Variants in TSGA10 observed in about 807,000 individuals in gnomAD.
The protein encoded by TSGA10 is testis-specific gene 10 protein.
A neutral mutation model predicts 96.6 loss-of-function variants in TSGA10; 43 were observed. The ratio of observed to expected loss-of-function variants is 0.44; its 90% CI spans 0.35 to 0.57. TSGA10 has a LOEUF of 0.57. TSGA10 is among the 20% of genes least tolerant of loss of function. The pLI, the probability that TSGA10 is intolerant of heterozygous loss-of-function variation, is 0.01. For missense variants in TSGA10, 703 were observed against 834.4 expected (o/e 0.84, Z 1.94); for synonymous variants, 229 against 269.9 (o/e 0.85, Z 1.48).
chr2:99,058,954 T>C (rs551983907), intron 16 of TSGA10, among the ~76,000 whole-genome samples: 2 of 150,908 alleles, frequency 1.3e-5, no homozygotes, highest in African/African-American at 4.9e-5. Context: ...GGAGAATTGC[T>C]TGACCCAGGA....
intron 17 of TSGA10, among the ~76,000 whole-genome samples, chr2:99,021,412 C>A (rs2079992018): frequency 6.6e-6 from 1 of 151,946 alleles, no homozygotes; most frequent in Admixed American, 6.6e-5. Context: ...TCTCTACTAA[C>A]ATAAAGAACG....
At chr2:99,045,456 A>G (rs1174488141) in intron 16 of TSGA10, among the ~76,000 whole-genome samples, 3 of 152,246 alleles carry the variant, frequency 2.0e-5, no homozygotes, top group African/African-American at 4.8e-5. Context: ...AGAATTTTCA[A>G]CGCAGAATTT....
intron 20 of TSGA10, among the ~76,000 whole-genome samples, chr2:99,010,095 C>T (rs2104865299): frequency 6.6e-6 from 1 of 152,262 alleles, no homozygotes; most frequent in African/African-American, 2.4e-5. Flanking sequence ...AAGCTGATTA[C>T]TTTCCTAGAA....
intron 16 of TSGA10, among the ~76,000 whole-genome samples, chr2:99,057,177 C>G (rs2084104835): frequency 6.6e-6 from 1 of 152,076 alleles, no homozygotes; most frequent in Non-Finnish European, 1.5e-5. Flanking sequence ...AAGGATGCCC[C>G]TTCTGGACCC....
chr2:99,017,176 G>A (rs934977617), intron 20 of TSGA10, among the ~76,000 whole-genome samples: 3 of 152,156 alleles, frequency 2.0e-5, no homozygotes, highest in Non-Finnish European at 2.9e-5. Context: ...AGGAAAAAAA[G>A]TCATTATATG....
chr2:99,005,190 T>C (rs2078348792), intron 20 of TSGA10, among the ~76,000 whole-genome samples: 1 of 152,234 alleles, frequency 6.6e-6, no homozygotes, highest in Non-Finnish European at 1.5e-5. Flanking sequence ...AGTATCATAC[T>C]GAATGGGCAA....
At chr2:99,024,011 A>C (rs774641489) in intron 17 of TSGA10, among the ~76,000 whole-genome samples, 5 of 152,176 alleles carry the variant, frequency 3.3e-5, no homozygotes, top group Non-Finnish European at 7.4e-5. Flanking sequence ...GTTCTGGCCC[A>C]TGAACATGGG....
rs552764276 is a variant in TSGA10 at position 99,046,817 on chromosome 2, G to A, written c.1405-11378C>T. ...TTTGAAAAGATCAACAAAACTGATA[G>A]ACCACTAGCAAGACTAATAAAGAAG... On this transcript the variant is annotated intron_variant, in intron 16 of 20. Transcript: ENST00000393483. Among the ~76,000 whole-genome samples the A allele has an allele frequency of 2.6e-5, 4 of 152,158 alleles. No homozygotes were observed. In the South Asian group the frequency reaches 8.3e-4, roughly 32 times the overall value.
intron 16 of TSGA10, among the ~76,000 whole-genome samples, chr2:99,049,812 A>G (rs2083200867): frequency 6.6e-6 from 1 of 152,196 alleles, no homozygotes; most frequent in Admixed American, 6.5e-5. Context: ...GATCCACCAT[A>G]TAAGAAACAC....
chr2:99,080,893 A>C (rs1422101655), intron 11 of TSGA10, among the ~76,000 whole-genome samples: 1 of 152,166 alleles, frequency 6.6e-6, no homozygotes, highest in African/African-American at 2.4e-5. Flanking sequence ...CTTGGTGATA[A>C]GTGAGTTCTC....
At chr2:99,153,503 C>T (rs1189088984) in intron 1 of TSGA10, among the ~76,000 whole-genome samples, 3 of 151,996 alleles carry the variant, frequency 2.0e-5, no homozygotes, top group Non-Finnish European at 4.4e-5. Flanking sequence ...AACCAAGGGA[C>T]AGAAGTCCTG....
intron 16 of TSGA10, among the ~76,000 whole-genome samples, chr2:99,060,727 T>C (rs2084591043): frequency 6.6e-6 from 1 of 152,192 alleles, no homozygotes; most frequent in Non-Finnish European, 1.5e-5. Context: ...ACTGGGTTAC[T>C]GGCTAAGGAT....
intron 15 of TSGA10, 112 bp downstream of exon 15, chr2:99,068,776 A>T (rs1015369413): frequency 4.7e-5 from 21 of 447,748 alleles, no homozygotes; most frequent in African/African-American, 4.3e-4. Context: ...ACTAAAATAT[A>T]CTATGTATTA....
At chr2:99,136,022 G>C (rs13034379) in intron 1 of TSGA10, among the ~76,000 whole-genome samples, 78,096 of 136,448 alleles carry the variant, frequency 0.57, 23,830 homozygotes, top group East Asian at 0.88. Context: ...AAAAAAAAAA[G>C]GGTCTGCATC....
chr2:99,002,300 C>T (rs60787480), intron 20 of TSGA10, among the ~76,000 whole-genome samples: 5 of 151,858 alleles, frequency 3.3e-5, no homozygotes, highest in African/African-American at 1.2e-4. Flanking sequence ...GCAGAAACTC[C>T]ACAAGCCAGA....
chr2:99,102,512 A>C, intron 10 of TSGA10: 1 of 1,614,082 alleles, frequency 6.2e-7, no homozygotes, highest in Non-Finnish European at 8.5e-7. Flanking sequence ...ACCCGGCTCC[A>C]TTTTACTTGT....
At chr2:99,068,651 T>A (rs1309025621) in intron 15 of TSGA10, among the ~76,000 whole-genome samples, 2 of 152,166 alleles carry the variant, frequency 1.3e-5, no homozygotes, top group African/African-American at 4.8e-5. Flanking sequence ...TTGTCCATCA[T>A]CCAGTTAGGA....
intron 17 of TSGA10, among the ~76,000 whole-genome samples, chr2:99,022,991 T>C (rs2080180229): frequency 6.6e-6 from 1 of 152,188 alleles, no homozygotes; most frequent in African/African-American, 2.4e-5. Flanking sequence ...TGTCTATTAA[T>C]ATCCTTTGCC....
chr2:99,063,471 A>G (rs1573979307), intron 16 of TSGA10, among the ~76,000 whole-genome samples: 2 of 152,200 alleles, frequency 1.3e-5, no homozygotes, highest in East Asian at 3.8e-4. Context: ...AATATCTTTA[A>G]GAGGATTATT....
Sources: allele counts gnomAD v4.1 joint callset (sites outside exome capture counted in the v4.1 genomes callset), GRCh38; gene constraint gnomAD v4.1.1; transcripts MANE v1.5; gene names NCBI Gene and HGNC (gene_info 2026-07-23, HGNC 2026-07-21).